PARD3: variants seen among roughly 807,000 people sequenced by gnomAD.
The protein encoded by PARD3 is par-3 family cell polarity regulator.
A neutral mutation model predicts 155.4 loss-of-function variants in PARD3; 75 were observed. The ratio of observed to expected loss-of-function variants is 0.48; its 90% CI spans 0.40 to 0.58. The LOEUF is 0.58. PARD3 is among the 20% of genes least tolerant of loss of function. The pLI, the probability that PARD3 is intolerant of heterozygous loss-of-function variation, is 0.00. For missense variants in PARD3, 1,642 were observed against 1,721.7 expected, an observed-to-expected ratio of 0.95 and a Z score of 0.82; for synonymous variants, 576 against 610.5, an observed-to-expected ratio of 0.94 and a Z score of 0.83.
intron 2 of PARD3, among the ~76,000 whole-genome samples, chr10:34,530,750 T>C (rs2082790208): frequency 6.6e-6 from 1 of 152,202 alleles, no homozygotes; most frequent in Non-Finnish European, 1.5e-5. Context: ...CAGACTTTCA[T>C]AATAATGTTC....
intron 22 of PARD3, among the ~76,000 whole-genome samples, chr10:34,184,364 G>A (rs532806239): frequency 3.3e-5 from 5 of 152,084 alleles, no homozygotes; most frequent in East Asian, 1.9e-4. Flanking sequence ...TCCCAAGCTC[G>A]CAGTGTTCTC....
At chr10:34,732,125 C>T (rs922613605) in intron 1 of PARD3, among the ~76,000 whole-genome samples, 1 of 152,128 alleles carries the variant, frequency 6.6e-6, no homozygotes, top group Non-Finnish European at 1.5e-5. Context: ...TACATACCAT[C>T]ATTGAGATAT....
intron 3 of PARD3, among the ~76,000 whole-genome samples, chr10:34,502,606 C>A (rs1008670713): frequency 3.3e-5 from 5 of 152,078 alleles, no homozygotes; most frequent in African/African-American, 7.2e-5. Flanking sequence ...ACACTCAGAA[C>A]TACATATACC....
At chr10:34,139,433 C>G (rs1588901335) in intron 22 of PARD3, among the ~76,000 whole-genome samples, 1 of 152,222 alleles carries the variant, frequency 6.6e-6, no homozygotes, top group African/African-American at 2.4e-5. Context: ...AACATTGTTT[C>G]ATCTTCACTG....
At chr10:34,789,006 A>G (rs752395444) in intron 1 of PARD3, among the ~76,000 whole-genome samples, 1 of 152,266 alleles carries the variant, frequency 6.6e-6, no homozygotes, top group East Asian at 1.9e-4. Context: ...AAACTTGTCA[A>G]TAATATACAC....
At position 34,348,063 on chromosome 10, in the gene PARD3, A is replaced by G. The variant is rs1380763966; in HGVS notation, c.2120T>C (p.Leu707Ser). 1 of 1,612,844 alleles carries G rather than the reference A, an allele frequency of 6.2e-7. No individual in the cohort carries two copies. Among genetic ancestry groups the G allele is most frequent in the Non-Finnish European group, 8.5e-7 (1 of 1,179,556 alleles). ...GGAAATTCTTCGTTCTCTATCATCCAACGCTGTTTCAATGGGCAGCTCAGG... is the reference window on the plus strand; with the variant it reads ...GGAAATTCTTCGTTCTCTATCATCCGACGCTGTTTCAATGGGCAGCTCAGG... Reference protein sequence around the residue: ...PGPELPIETALDDRERRISHS... With the variant: ...PGPELPIETASDDRERRISHS... Residue 707 changes from leucine to serine, a missense_variant, in exon 15 of 25, where the codon TTG becomes TCG. This residue lies in a region of PARD3 where 1,529 missense variants were observed against 1,587.3 expected (regional missense o/e 0.96). Transcript: ENST00000374788.
intron 2 of PARD3, among the ~76,000 whole-genome samples, chr10:34,601,525 T>G (rs1197012509): frequency 6.6e-6 from 1 of 152,204 alleles, no homozygotes; most frequent in Non-Finnish European, 1.5e-5. Flanking sequence ...TTATTTATGC[T>G]TTAGTGAACA....
At chr10:34,740,406 C>T (rs1010480617) in intron 1 of PARD3, among the ~76,000 whole-genome samples, 3 of 152,228 alleles carry the variant, frequency 2.0e-5, no homozygotes, top group African/African-American at 7.2e-5. Flanking sequence ...CCTTCTGATG[C>T]CACCTCTTTC....
intron 1 of PARD3, among the ~76,000 whole-genome samples, chr10:34,705,551 G>T (rs548787680): frequency 6.6e-6 from 1 of 151,558 alleles, no homozygotes; most frequent in South Asian, 2.1e-4. Context: ...CTTCAATCTT[G>T]TTACAGGAAC....
chr10:34,264,314 C>T (rs11009704), intron 22 of PARD3, among the ~76,000 whole-genome samples: 4 of 152,048 alleles, frequency 2.6e-5, no homozygotes, highest in African/African-American at 9.7e-5. Context: ...GTAGGTGAGG[C>T]GTATTCAATG....
intron 1 of PARD3, among the ~76,000 whole-genome samples, chr10:34,812,677 C>T (rs936437541): frequency 2.0e-5 from 3 of 152,106 alleles, no homozygotes; most frequent in Admixed American, 1.3e-4. Flanking sequence ...GCAAAGCCCC[C>T]GTTAAAATTC....
At chr10:34,745,654 T>C (rs367988739) in intron 1 of PARD3, among the ~76,000 whole-genome samples, 47 of 152,230 alleles carry the variant, frequency 3.1e-4, no homozygotes, top group African/African-American at 1.0e-3. Context: ...GCTTAAAAAA[T>C]TGTAGCTGGG....
intron 13 of PARD3, 124 bp from the exon 14 acceptor site, chr10:34,359,441 C>A: frequency 1.5e-6 from 1 of 687,508 alleles, no homozygotes. Context: ...GAGCTTTAAT[C>A]CTAATGGATT....
chr10:34,305,789 G>A (rs1397999419), intron 20 of PARD3, among the ~76,000 whole-genome samples: 1 of 152,094 alleles, frequency 6.6e-6, no homozygotes, highest in East Asian at 1.9e-4. Flanking sequence ...AATACCCTGG[G>A]CAATAAAGTG....
chr10:34,476,400 G>C (rs560249365), intron 3 of PARD3, among the ~76,000 whole-genome samples: 3 of 152,264 alleles, frequency 2.0e-5, no homozygotes, highest in African/African-American at 7.2e-5. Context: ...GGGCACCACT[G>C]ATGTAGATGT....
At chr10:34,164,640 T>C (rs1949436146) in intron 22 of PARD3, among the ~76,000 whole-genome samples, 1 of 152,182 alleles carries the variant, frequency 6.6e-6, no homozygotes, top group Admixed American at 6.5e-5. Context: ...TTTAAGCAAA[T>C]TCCAGTGACA....
chr10:34,621,893 T>C (rs1800365061), intron 2 of PARD3, among the ~76,000 whole-genome samples: 1 of 152,170 alleles, frequency 6.6e-6, no homozygotes, highest in African/African-American at 2.4e-5. Flanking sequence ...ATAAAGTAAA[T>C]TCCCAAACCA....
rs750999098 is a variant in PARD3, at chr10:34,111,167, G to T, written c.*2C>A. On this transcript the variant is annotated 3_prime_UTR_variant, in exon 25 of 25. Transcript: ENST00000374788. Reference sequence around the variant, plus strand: ...GACATGAAGCATCCGTTATTTGCGTGCTCAGGAATAGAAGGGCCTCCCTTT... The same window carrying T: ...GACATGAAGCATCCGTTATTTGCGTTCTCAGGAATAGAAGGGCCTCCCTTT... 1.3e-6 allele frequency: 2 copies of T among 1,538,232 alleles called. No individual in the cohort carries two copies. The highest frequency in any genetic ancestry group is 4.3e-5 in the Admixed American group (2 of 46,642).
chr10:34,604,574 A>G (rs1356939055), intron 2 of PARD3, among the ~76,000 whole-genome samples: 1 of 148,240 alleles, frequency 6.7e-6, no homozygotes, highest in Non-Finnish European at 1.5e-5. Flanking sequence ...CTTTATTTAT[A>G]TATATATAAA....
Sources: allele counts gnomAD v4.1 joint callset (sites outside exome capture counted in the v4.1 genomes callset), GRCh38; gene constraint gnomAD v4.1.1; regional missense constraint gnomAD v4.1.1; transcripts MANE v1.5; gene names NCBI Gene and HGNC (gene_info 2026-07-23, HGNC 2026-07-21).